Variants in SGPP2 observed in about 807,000 individuals in gnomAD.
The protein encoded by SGPP2 is sphingosine-1-phosphate phosphatase 2, also known as sphingosine 1-phosphate phosphohydrolase 2.
SGPP2 carries 30 observed loss-of-function variants against 33.9 expected under a neutral mutation model. The ratio of observed to expected loss-of-function variants is 0.89; its 90% confidence interval spans 0.66 to 1.20. The LOEUF is 1.20. Among genes scored for constraint, SGPP2 ranks in the 50% most tolerant of loss-of-function variants. The probability of loss-of-function intolerance (pLI) is 0.00; values close to 1 mark genes in which losing one functional copy is unlikely to be tolerated. For missense variants in SGPP2, 458 were observed against 532.1 expected (o/e 0.86, Z 1.37); for synonymous variants, 233 against 225.0 (o/e 1.04, Z -0.32).
intron 3 of SGPP2, among the ~76,000 whole-genome samples, chr2:222,524,361 T>C (rs1362380621): frequency 4.6e-5 from 7 of 152,230 alleles, no homozygotes; most frequent in Non-Finnish European, 8.8e-5. Flanking sequence ...GTGTTCCTTA[T>C]ATGATTCAGC....
intron 2 of SGPP2, among the ~76,000 whole-genome samples, chr2:222,520,493 G>A (rs1346799113): frequency 6.6e-6 from 1 of 152,160 alleles, no homozygotes; most frequent in Non-Finnish European, 1.5e-5. Flanking sequence ...CACTTTGGGA[G>A]GCCGAGGCCG....
At chr2:222,541,910 C>A (rs1699004367) in intron 4 of SGPP2, among the ~76,000 whole-genome samples, 1 of 152,114 alleles carries the variant, frequency 6.6e-6, no homozygotes, top group Admixed American at 6.5e-5. Flanking sequence ...GTAAGAAAAA[C>A]AATTTAAAAC....
intron 2 of SGPP2, among the ~76,000 whole-genome samples, chr2:222,499,598 G>T (rs1698335300): frequency 6.6e-6 from 1 of 151,722 alleles, no homozygotes; most frequent in African/African-American, 2.4e-5. Flanking sequence ...AAGAGGACGT[G>T]TTGGGGGAAA....
At chr2:222,432,104 C>T (rs1239026355) in intron 1 of SGPP2, among the ~76,000 whole-genome samples, 5 of 152,180 alleles carry the variant, frequency 3.3e-5, no homozygotes, top group Non-Finnish European at 4.4e-5. Context: ...AATTTCATCC[C>T]GTGTGCCAAA....
Position 222,560,452 on chromosome 2 carries a change from T to TA in SGPP2, c.*1556dup, listed in dbSNP as rs1689516419. 1 of 152,216 alleles carries TA rather than the reference T, an allele frequency of 6.6e-6. No individual in the cohort carries two copies. Among genetic ancestry groups the TA allele is most frequent in the African/African-American group, 2.4e-5 (1 of 41,448 alleles). The allele number at this position is 152,216 out of a possible 1,614,324, so 9.4% of individuals were successfully genotyped here. On this transcript the variant is annotated 3_prime_UTR_variant, in exon 5 of 5. Coordinates refer to ENST00000321276, the MANE Select transcript of SGPP2 (RefSeq NM_152386.4). The stretch of plus-strand genomic sequence containing the variant: ...CAAGCCAACCAAATACAAAACCCAT[T>TA]AAGCCTACTAGGGTGAGTCCTCTTA...
chr2:222,557,795 G>A (rs550119542), intron 4 of SGPP2, among the ~76,000 whole-genome samples: 2 of 152,210 alleles, frequency 1.3e-5, no homozygotes, highest in Non-Finnish European at 2.9e-5. Context: ...TGAAGGTGGG[G>A]TAGTAGTGTC....
At chr2:222,451,990 C>G (rs1697497212) in intron 1 of SGPP2, among the ~76,000 whole-genome samples, 1 of 151,936 alleles carries the variant, frequency 6.6e-6, no homozygotes, top group Non-Finnish European at 1.5e-5. Flanking sequence ...TCTTGAGCAA[C>G]ATGGATTTGA....
At chr2:222,453,271 TG>T in intron 1 of SGPP2, 2 of 755,762 alleles carry the variant, frequency 2.6e-6, no homozygotes, top group Non-Finnish European at 2.5e-6. Flanking sequence ...CAGGCAGGTT[TG>T]GGGACAAGCT....
chr2:222,489,444 C>T (rs1299719235), intron 2 of SGPP2, among the ~76,000 whole-genome samples: 1 of 151,168 alleles, frequency 6.6e-6, no homozygotes, highest in African/African-American at 2.4e-5. Context: ...GGCTCATTGA[C>T]TTGGGTAAGC....
At chr2:222,457,053 A>T (rs1697584136) in intron 1 of SGPP2, among the ~76,000 whole-genome samples, 1 of 152,172 alleles carries the variant, frequency 6.6e-6, no homozygotes, top group Admixed American at 6.5e-5. Flanking sequence ...AAGAAAAAAA[A>T]ATCTTCAGAG....
intron 2 of SGPP2, among the ~76,000 whole-genome samples, chr2:222,503,025 A>G (rs1422722562): frequency 6.6e-6 from 1 of 152,204 alleles, no homozygotes; most frequent in Non-Finnish European, 1.5e-5. Context: ...TTTCTAATTG[A>G]AGAAAAGTTA....
chr2:222,508,630 G>T (rs2106123537), intron 2 of SGPP2, among the ~76,000 whole-genome samples: 1 of 152,264 alleles, frequency 6.6e-6, no homozygotes, highest in African/African-American at 2.4e-5. Context: ...AACAATCTTT[G>T]TACCTTTAGT....
chr2:222,498,543 C>A, intron 2 of SGPP2: 1 of 151,068 alleles, frequency 6.6e-6, no homozygotes. Context: ...TGTTGTATTC[C>A]GAACATTTAA....
At chr2:222,494,362 A>G (rs1403598064) in intron 2 of SGPP2, among the ~76,000 whole-genome samples, 1 of 152,266 alleles carries the variant, frequency 6.6e-6, no homozygotes, top group Non-Finnish European at 1.5e-5. Context: ...GAAAGGGCCC[A>G]AAAAGCTGGA....
intron 2 of SGPP2, among the ~76,000 whole-genome samples, chr2:222,501,955 A>G (rs1320183414): frequency 6.6e-6 from 1 of 152,166 alleles, no homozygotes; most frequent in African/African-American, 2.4e-5. Flanking sequence ...TGCTTTCTCA[A>G]TCTTTATGGT....
At chr2:222,491,159 G>C (rs1698191838) in intron 2 of SGPP2, among the ~76,000 whole-genome samples, 1 of 151,412 alleles carries the variant, frequency 6.6e-6, no homozygotes, top group South Asian at 2.1e-4. Flanking sequence ...TTTTGAAACA[G>C]AGTCTTGATC....
At chr2:222,441,832 C>T (rs1457115174) in intron 1 of SGPP2, among the ~76,000 whole-genome samples, 1 of 152,208 alleles carries the variant, frequency 6.6e-6, no homozygotes, top group Admixed American at 6.5e-5. Flanking sequence ...TCATTGACAT[C>T]TTTTTTAATA....
intron 2 of SGPP2, among the ~76,000 whole-genome samples, chr2:222,506,347 A>C (rs1451783609): frequency 6.6e-6 from 1 of 152,214 alleles, no homozygotes; most frequent in South Asian, 2.1e-4. Context: ...AAGTGCTGCC[A>C]AGAAGCAGAA....
chr2:222,527,935 T>TA (rs1698784369), intron 4 of SGPP2, among the ~76,000 whole-genome samples: 1 of 152,186 alleles, frequency 6.6e-6, no homozygotes, highest in African/African-American at 2.4e-5. Context: ...GCTCTTGTGG[T>TA]AAAGAAACCT....
Sources: gnomAD v4.1 joint callset for allele counts (sites outside exome capture counted in the v4.1 genomes callset) on GRCh38, gnomAD v4.1.1 for gene constraint, MANE v1.5 for transcripts, NCBI Gene and HGNC (gene_info 2026-07-23, HGNC 2026-07-21) for gene names.